ATP2B4: variants seen among roughly 807,000 people sequenced by gnomAD.
ATP2B4 encodes the protein plasma membrane calcium-transporting ATPase 4.
In ATP2B4, 39 loss-of-function variants were observed where a neutral mutation model predicts 110.3. The observed-to-expected ratio is 0.35, with a 90% CI of 0.27 to 0.46. ATP2B4 has a LOEUF of 0.46. ATP2B4 is among the 20% of genes least tolerant of loss of function. ATP2B4 has a pLI of 1.00. For missense variants in ATP2B4, 1,135 were observed against 1,530.9 expected (o/e 0.74, Z 4.32); for synonymous variants, 538 against 571.7 (o/e 0.94, Z 0.84).
chr1:203,723,730 TTTC>T (rs1291731287), intron 18 of ATP2B4, 148 bp from the exon 19 acceptor site: 11 of 577,642 alleles, frequency 1.9e-5, no homozygotes. Context: ...CCCTTTGAGA[TTTC>T]TTCTTTTCCC....
intron 20 of ATP2B4, among the ~76,000 whole-genome samples, chr1:203,735,814 G>A (rs957722162): frequency 1.3e-5 from 2 of 152,058 alleles, no homozygotes; most frequent in Non-Finnish European, 2.9e-5. Context: ...CTTCTGTTCT[G>A]TTTTAATCAT....
intron 2 of ATP2B4, among the ~76,000 whole-genome samples, chr1:203,686,082 A>G (rs1665171467): frequency 6.6e-6 from 1 of 151,254 alleles, no homozygotes; most frequent in Non-Finnish European, 1.5e-5. Context: ...TTCTAATGGT[A>G]GTCCTTAATC....
intron 1 of ATP2B4, among the ~76,000 whole-genome samples, chr1:203,633,107 A>G (rs532997693): frequency 3.9e-5 from 6 of 152,398 alleles, no homozygotes; most frequent in African/African-American, 1.4e-4. Flanking sequence ...GCCAGAAACT[A>G]GAGCATGCTC....
chr1:203,646,464 A>G (rs1443411701), intron 1 of ATP2B4, among the ~76,000 whole-genome samples: 1 of 152,012 alleles, frequency 6.6e-6, no homozygotes, highest in African/African-American at 2.4e-5. Flanking sequence ...TAAAAAATAT[A>G]AAAATAAAAA....
chr1:203,648,739 A>T (rs1179443665), intron 1 of ATP2B4, among the ~76,000 whole-genome samples: 1 of 152,154 alleles, frequency 6.6e-6, no homozygotes, highest in African/African-American at 2.4e-5. Context: ...GGCCCATACC[A>T]AGGTTTCACC....
chr1:203,652,144 C>CT (rs112114077), intron 1 of ATP2B4, among the ~76,000 whole-genome samples: 18 of 126,206 alleles, frequency 1.4e-4, no homozygotes, highest in African/African-American at 4.5e-4. Context: ...GCAACTTCTT[C>CT]TTTTTTTTTT....
chr1:203,667,248 T>C (rs142940753), intron 1 of ATP2B4, among the ~76,000 whole-genome samples: 1 of 152,302 alleles, frequency 6.6e-6, no homozygotes, highest in African/African-American at 2.4e-5. Flanking sequence ...CATTGTGCCC[T>C]GCCTCTAGCA....
intron 1 of ATP2B4, among the ~76,000 whole-genome samples, chr1:203,636,895 A>C (rs1161006768): frequency 6.6e-6 from 1 of 152,236 alleles, no homozygotes; most frequent in Non-Finnish European, 1.5e-5. Flanking sequence ...AGGGGAAAAG[A>C]GGCCAAAAAG....
At position 203,722,514 on chromosome 1, in the gene ATP2B4, C is replaced by T. The variant is rs747202268; in HGVS notation, c.2849C>T (p.Ala950Val). The change falls in exon 18 of 21, where the codon GCA becomes GTA. Residue 950 changes from alanine (A) to valine (V), a missense_variant. Physicochemically the swap from Ala to Val is moderately conservative, Grantham distance 64. This residue lies in a region of ATP2B4 where 155 missense variants were observed against 186.2 expected (regional missense o/e 0.83). Transcript: ENST00000357681. ...TTTGATATTGATAGTGGGAGGAAGG[C>T]ACCTCTACATTCACCACCCAGCCAG... ...KFFDIDSGRK[A>V]PLHSPPSQHY... 46 of 1,614,012 alleles carry T rather than the reference C, an allele frequency of 2.9e-5. No homozygotes were observed. The highest frequency in any genetic ancestry group is 3.5e-5 in the Non-Finnish European group (41 of 1,179,964).
intron 7 of ATP2B4, among the ~76,000 whole-genome samples, chr1:203,702,614 C>A (rs1397555353): frequency 6.6e-6 from 1 of 152,200 alleles, no homozygotes; most frequent in Admixed American, 6.5e-5. Flanking sequence ...TTGCCACAGT[C>A]TGTTTTCTTC....
intron 20 of ATP2B4, among the ~76,000 whole-genome samples, chr1:203,737,186 A>G (rs1666897525): frequency 6.6e-6 from 1 of 152,154 alleles, no homozygotes. Context: ...AGGGCTCCAG[A>G]CCCTCACTCC....
chr1:203,690,671 C>T (rs867115028), intron 2 of ATP2B4, among the ~76,000 whole-genome samples: 4 of 152,140 alleles, frequency 2.6e-5, no homozygotes, highest in Admixed American at 6.5e-5. Context: ...CCTCTATTTT[C>T]CTCTTTCTTT....
chr1:203,727,791 T>TA lies in ATP2B4; in HGVS notation c.3309+221dup, dbSNP rs902252577. 5.4e-6 allele frequency: 3 copies of TA among 559,036 alleles called. No homozygotes were observed. In the Admixed American group the frequency reaches 9.8e-5, roughly 18 times the overall value. The allele number at this position is 559,036 out of a possible 1,614,324, so 34.6% of individuals were successfully genotyped here. A position where few individuals can be genotyped will look rare whatever the true frequency, so the allele number is the denominator to read the frequency against. ...TCAAATGACCTAGACCATGGGACACTATTAGCATAGTCCTTTAGCTCTGGG... is the reference window on the plus strand; with the variant it reads ...TCAAATGACCTAGACCATGGGACACTAATTAGCATAGTCCTTTAGCTCTGGG... On this transcript the variant is annotated intron_variant, in intron 20 of 20. Coordinates refer to ENST00000357681, the MANE Select transcript of ATP2B4 (RefSeq NM_001684.5).
In ATP2B4 at chr1:203,740,707, C is replaced by CA. The variant is rs1666980481; in HGVS notation, c.*854dup. The CA allele has an allele frequency of 1.3e-5, 2 of 152,378 alleles. No individual in the cohort carries two copies. Among genetic ancestry groups the CA allele is most frequent in the African/African-American group, 4.8e-5 (2 of 41,572 alleles). The allele number at this position is 152,378 out of a possible 1,614,324, so 9.4% of individuals were successfully genotyped here. A position where few individuals can be genotyped will look rare whatever the true frequency, so the allele number is the denominator to read the frequency against. ...AAGTGCCAGGGAGATCAGCCTTGCC[C>CA]ATGAAGGTTGCATATGTGTGGTATA... is the stretch of plus-strand genomic sequence containing the variant. On this transcript the variant is annotated 3_prime_UTR_variant, in exon 21 of 21. Transcript: ENST00000357681.
intron 17 of ATP2B4, 112 bp from the exon 18 acceptor site, chr1:203,722,366 T>C (rs1202083642): frequency 2.2e-5 from 18 of 830,026 alleles, no homozygotes; most frequent in Non-Finnish European, 3.4e-5. Flanking sequence ...GCTCAGATAT[T>C]GATTAATTAG....
At chr1:203,707,266 G>A (rs767202322) in intron 9 of ATP2B4, 43 bp downstream of exon 9, 1 of 1,541,102 alleles carries the variant, frequency 6.5e-7, no homozygotes, top group South Asian at 1.1e-5. Flanking sequence ...GGATAGAGAT[G>A]GGAGAGAAGG....
At chr1:203,680,614 A>G (rs138148082) in intron 1 of ATP2B4, among the ~76,000 whole-genome samples, 1 of 38,144 alleles carries the variant, frequency 2.6e-5, no homozygotes, top group Non-Finnish European at 8.2e-5. Flanking sequence ...GTCTCAAAAA[A>G]AAAAGAAAAA....
At chr1:203,633,411 G>A (rs1157995092) in intron 1 of ATP2B4, among the ~76,000 whole-genome samples, 1 of 152,170 alleles carries the variant, frequency 6.6e-6, no homozygotes, top group East Asian at 1.9e-4. Context: ...CATGAGCTCT[G>A]ATCATGACAC....
chr1:203,741,506 T>TGTGTAGGGG lies in ATP2B4; in HGVS notation c.*1652_*1653insGTGTAGGGG, dbSNP rs1348247200. 6.6e-6 allele frequency: 1 copy of TGTGTAGGGG among 152,302 alleles called. No individual in the cohort carries two copies. Among genetic ancestry groups the TGTGTAGGGG allele is most frequent in the East Asian group, 1.9e-4 (1 of 5,190 alleles). The allele number at this position is 152,302 out of a possible 1,614,324, so 9.4% of individuals were successfully genotyped here. A position where few individuals can be genotyped will look rare whatever the true frequency, so the allele number is the denominator to read the frequency against. ...CCAGTTCATGTCCCTGACTCTCACC[T>TGTGTAGGGG]CCCATTAGATAAATGAAGCCCACCC... On this transcript the variant is annotated 3_prime_UTR_variant, in exon 21 of 21. Coordinates refer to ENST00000357681, the MANE Select transcript of ATP2B4 (RefSeq NM_001684.5).
Sources: gnomAD v4.1 joint callset for allele counts (sites outside exome capture counted in the v4.1 genomes callset) on GRCh38, gnomAD v4.1.1 for gene constraint, gnomAD v4.1.1 regional missense constraint, MANE v1.5 for transcripts, NCBI Gene and HGNC (gene_info 2026-07-23, HGNC 2026-07-21) for gene names.